Variants in CSMD3 observed in about 807,000 individuals in gnomAD.
CSMD3 encodes CUB and sushi domain-containing protein 3.
Under a neutral mutation model 435.2 loss-of-function variants are expected in CSMD3, and 177 were observed. The observed-to-expected ratio is 0.41, with a 90% CI of 0.36 to 0.46. The LOEUF is 0.46. Among genes scored for constraint, CSMD3 ranks in the 20% least tolerant of loss-of-function variants. The pLI, the probability that CSMD3 is intolerant of heterozygous loss-of-function variation, is 0.34. For synonymous variants in CSMD3, 1,656 were observed against 1,520.5 expected (o/e 1.09, Z -2.07); for missense variants, 4,265 against 4,504.6 (o/e 0.95, Z 1.52).
Position 113,168,519 on chromosome 8 carries a change from C to CAAAAAAAAAAA in CSMD3, c.709+5192_709+5202dup, listed in dbSNP as rs71281204. On this transcript the variant is annotated intron_variant, in intron 4 of 70. Transcript: ENST00000297405. ...CTGGTGACAGAGCAAGACTCTGTCT[C>CAAAAAAAAAAA]AAAAAAAAAAAAAAAAAAAAAAAAA... Among the ~76,000 whole-genome samples the CAAAAAAAAAAA allele has an allele frequency of 3.6e-3, 62 of 17,014 alleles. 9 individuals are homozygous for CAAAAAAAAAAA. The highest frequency in any genetic ancestry group is 4.2e-3 in the Non-Finnish European group (38 of 9,056). 11.2% of individuals were successfully genotyped at this position (17,014 alleles called of 152,430 possible).
At chr8:112,753,108 G>T (rs183236949) in intron 13 of CSMD3, among the ~76,000 whole-genome samples, 13 of 152,022 alleles carry the variant, frequency 8.6e-5, no homozygotes, top group Admixed American at 8.5e-4. Context: ...TATCTACTAT[G>T]TATATTTATT....
intron 38 of CSMD3, among the ~76,000 whole-genome samples, chr8:112,379,671 A>G (rs1384095726): frequency 6.6e-6 from 1 of 152,200 alleles, no homozygotes; most frequent in Non-Finnish European, 1.5e-5. Context: ...TAAAAAAAGT[A>G]CTAAGATGCA....
At chr8:113,015,641 T>C (rs1383748933) in intron 6 of CSMD3, among the ~76,000 whole-genome samples, 1 of 151,846 alleles carries the variant, frequency 6.6e-6, no homozygotes, top group Non-Finnish European at 1.5e-5. Context: ...ATGCTGAATG[T>C]TGAATAATTT....
intron 15 of CSMD3, among the ~76,000 whole-genome samples, chr8:112,683,649 C>T (rs1248918876): frequency 1.3e-5 from 2 of 151,804 alleles, no homozygotes; most frequent in Non-Finnish European, 2.9e-5. Context: ...TAATGTATTA[C>T]AATATAAATG....
At chr8:112,823,522 C>T (rs1216025985) in intron 12 of CSMD3, among the ~76,000 whole-genome samples, 2 of 152,102 alleles carry the variant, frequency 1.3e-5, no homozygotes, top group East Asian at 3.9e-4. Context: ...TATGCTGTTT[C>T]GTTATTCTCA....
intron 32 of CSMD3, among the ~76,000 whole-genome samples, chr8:112,431,639 G>A (rs1390509144): frequency 6.6e-6 from 1 of 151,340 alleles, no homozygotes; most frequent in South Asian, 2.1e-4. Context: ...AATATATGAA[G>A]GCCACCTTGA....
chr8:113,380,749 C>CA (rs796288420), intron 1 of CSMD3, among the ~76,000 whole-genome samples: 28 of 152,222 alleles, frequency 1.8e-4, no homozygotes, highest in African/African-American at 6.5e-4. Context: ...ATGTCGTCAC[C>CA]AAATGAAGGT....
intron 1 of CSMD3, among the ~76,000 whole-genome samples, chr8:113,331,741 T>C (rs1313390797): frequency 8.6e-5 from 13 of 151,636 alleles, no homozygotes; most frequent in Non-Finnish European, 1.5e-5. Context: ...CTTTTTATAG[T>C]AAAACCACTC....
At chr8:112,926,732 A>G (rs368451716) in intron 9 of CSMD3, among the ~76,000 whole-genome samples, 30 of 152,266 alleles carry the variant, frequency 2.0e-4, no homozygotes, top group African/African-American at 7.0e-4. Context: ...GGATATGAAC[A>G]AATACAGAAA....
chr8:113,201,464 T>G (rs1564420158), intron 3 of CSMD3, among the ~76,000 whole-genome samples: 1 of 151,986 alleles, frequency 6.6e-6, no homozygotes, highest in Admixed American at 6.6e-5. Context: ...ACATTAAAAC[T>G]TGAGTTAAAG....
intron 6 of CSMD3, among the ~76,000 whole-genome samples, chr8:112,990,601 CCAAA>C (rs2085421464): frequency 6.6e-6 from 1 of 151,638 alleles, no homozygotes; most frequent in Non-Finnish European, 1.5e-5. Flanking sequence ...AGTAAATAGT[CCAAA>C]CAGAGGCCTG....
intron 1 of CSMD3, among the ~76,000 whole-genome samples, chr8:113,336,465 T>C (rs554603640): frequency 4.3e-4 from 65 of 152,256 alleles, no homozygotes; most frequent in African/African-American, 1.4e-3. Flanking sequence ...TGATATCTTG[T>C]TGGTTTTCTG....
intron 35 of CSMD3, among the ~76,000 whole-genome samples, chr8:112,392,958 T>G (rs1216392759): frequency 2.0e-5 from 3 of 149,394 alleles, no homozygotes; most frequent in Non-Finnish European, 3.0e-5. Flanking sequence ...CTCAAATTCC[T>G]AGGCTCAAGC....
Position 112,728,181 on chromosome 8 carries a change from C to T in CSMD3, c.1973-38131G>A, listed in dbSNP as rs146039522. ...CCCTTCATTAAGATTAGATAAAGTG[C>T]TCTCAAGACAGTAAACTGATTATGA... is the stretch of plus-strand genomic sequence containing the variant. On this transcript the variant is annotated intron_variant, in intron 13 of 70. Transcript: ENST00000297405. 9.9e-5 allele frequency among the ~76,000 whole-genome samples: 15 copies of T among 151,838 alleles called. No homozygotes were observed. The East Asian group carries it at 2.9e-3, about 29-fold the overall frequency.
chr8:112,263,178 C>G (rs1000645781), intron 61 of CSMD3, among the ~76,000 whole-genome samples: 3 of 149,362 alleles, frequency 2.0e-5, no homozygotes, highest in African/African-American at 7.3e-5. Flanking sequence ...AACAAGAAAC[C>G]CTTTTATCTC....
At chr8:112,611,015 T>C (rs1379587120) in intron 22 of CSMD3, among the ~76,000 whole-genome samples, 1 of 152,184 alleles carries the variant, frequency 6.6e-6, no homozygotes, top group Non-Finnish European at 1.5e-5. Flanking sequence ...AAATGTGACA[T>C]TATAGATGAA....
intron 2 of CSMD3, among the ~76,000 whole-genome samples, chr8:113,307,709 T>C (rs975698909): frequency 3.3e-5 from 5 of 152,192 alleles, no homozygotes; most frequent in South Asian, 2.1e-4. Context: ...ATTAAAAAAA[T>C]AGACAAAATA....
intron 4 of CSMD3, among the ~76,000 whole-genome samples, chr8:113,112,191 A>T (rs2131600159): frequency 1.3e-5 from 2 of 151,722 alleles, no homozygotes; most frequent in South Asian, 4.2e-4. Context: ...TCAATAGTTT[A>T]TACCATTTTA....
chr8:112,657,912 T>C (rs1329969528), intron 17 of CSMD3, among the ~76,000 whole-genome samples: 2 of 152,220 alleles, frequency 1.3e-5, no homozygotes, highest in East Asian at 3.8e-4. Flanking sequence ...ACAACTGTCT[T>C]CCTTAAAAGT....
Sources: allele counts gnomAD v4.1 joint callset (sites outside exome capture counted in the v4.1 genomes callset), GRCh38; gene constraint gnomAD v4.1.1; transcripts MANE v1.5; gene names NCBI Gene and HGNC (gene_info 2026-07-23, HGNC 2026-07-21).